The following UBAP2L variants were observed in gnomAD, a reference collection of about 807,000 sequenced individuals.
UBAP2L encodes ubiquitin-associated protein 2-like.
Under a neutral mutation model 130.6 loss-of-function variants are expected in UBAP2L, and 12 were observed. That is an observed-to-expected ratio of 0.09 (90% CI 0.06 to 0.15). The LOEUF (loss-of-function observed/expected upper bound fraction) is 0.15. Among genes scored for constraint, UBAP2L ranks in the 10% least tolerant of loss-of-function variants. UBAP2L has a pLI of 1.00. For synonymous variants in UBAP2L, 503 were observed against 524.7 expected, an observed-to-expected ratio of 0.96 and a Z score of 0.57; for missense variants, 965 against 1,332.5, an observed-to-expected ratio of 0.72 and a Z score of 4.29.
chr1:154,233,018 CT>C (rs1339953340), intron 4 of UBAP2L, among the ~76,000 whole-genome samples: 51 of 148,470 alleles, frequency 3.4e-4, no homozygotes, highest in Non-Finnish European at 4.8e-4. Flanking sequence ...ACCTTTTTTT[CT>C]TTTTTTTTTT....
intron 10 of UBAP2L, among the ~76,000 whole-genome samples, chr1:154,244,564 G>A (rs569542963): frequency 2.6e-4 from 40 of 152,088 alleles, no homozygotes; most frequent in African/African-American, 9.6e-4. Context: ...TAGAGGCAGC[G>A]TTTCACCATG....
At chr1:154,231,860 T>G (rs1422101870) in intron 4 of UBAP2L, among the ~76,000 whole-genome samples, 2 of 152,224 alleles carry the variant, frequency 1.3e-5, no homozygotes, top group South Asian at 4.1e-4. Context: ...CCTTAAGTTC[T>G]TCAACATGCT....
chr1:154,259,287 G>A (rs1369640069), intron 21 of UBAP2L, among the ~76,000 whole-genome samples: 1 of 151,990 alleles, frequency 6.6e-6, no homozygotes, highest in African/African-American at 2.4e-5. Flanking sequence ...CGCCGCCTGG[G>A]TTAAAGCAAT....
rs780595165 is a variant in UBAP2L at position 154,241,557 on chromosome 1, A to C, written c.748A>C (p.Asn250His). The C allele has an allele frequency of 6.2e-7, 1 of 1,614,084 alleles. No individual in the cohort carries two copies. Among genetic ancestry groups the C allele is most frequent in the South Asian group, 1.1e-5 (1 of 91,072 alleles). ...ATEEWGTEDW[N>H]EDLSETKIFT... ...AGAGGAGTGGGGGACTGAAGATTGG[A>C]ATGAAGATGTAGGTATTCCCAGGTC... The change falls in exon 9 of 27, where the codon AAT becomes CAT. Residue 250 changes from asparagine to histidine, a missense_variant. Transcript: ENST00000428931.
intron 8 of UBAP2L, among the ~76,000 whole-genome samples, chr1:154,239,831 AT>A (rs1350972131): frequency 6.6e-6 from 1 of 152,232 alleles, no homozygotes; most frequent in African/African-American, 2.4e-5. Context: ...AAAGTGTGGT[AT>A]CAATGAAGGA....
intron 18 of UBAP2L, 105 bp downstream of exon 18, chr1:154,255,860 CA>C: frequency 1.5e-6 from 2 of 1,359,688 alleles, no homozygotes; most frequent in Non-Finnish European, 1.0e-6. Context: ...CATGAGGTGG[CA>C]AAATAATTGA....
intron 25 of UBAP2L, among the ~76,000 whole-genome samples, chr1:154,267,880 CTTTTTTTTTTTTTTTTTTTT>C (rs869153080): frequency 1.9e-5 from 1 of 52,056 alleles, no homozygotes; most frequent in Non-Finnish European, 3.6e-5. Context: ...CTTATTTGGT[CTTTTTTTTTTTTTTTTTTTT>C]TTTTTTGAGA....
At chr1:154,233,403 C>A (rs1670525332) in intron 4 of UBAP2L, among the ~76,000 whole-genome samples, 1 of 151,812 alleles carries the variant, frequency 6.6e-6, no homozygotes, top group African/African-American at 2.4e-5. Context: ...TGCGTCATTG[C>A]AACCTCCACC....
rs888234422 is a variant in UBAP2L, at chr1:154,239,413, G to A, written c.704-2100G>A. Among the ~76,000 whole-genome samples, 13 of 151,956 alleles carry A rather than the reference G, an allele frequency of 8.6e-5. No homozygotes were observed. The East Asian group carries it at 1.2e-3, about 14-fold the overall frequency. ...ATATCTGTGGATATGTCATTTTTATGTCTTTCTGCTTTTTCTCTTTCTGCC... is the reference window on the plus strand; with the variant it reads ...ATATCTGTGGATATGTCATTTTTATATCTTTCTGCTTTTTCTCTTTCTGCC... On this transcript the variant is annotated intron_variant, in intron 8 of 26. Transcript: ENST00000428931.
chr1:154,254,736 A>T, intron 15 of UBAP2L, 100 bp from the exon 16 acceptor site: 1 of 1,292,844 alleles, frequency 7.7e-7, no homozygotes, highest in South Asian at 1.3e-5. Flanking sequence ...AGTTTCTCCT[A>T]AAGATTTGTT....
At chr1:154,267,128 A>C (rs1232187278) in intron 25 of UBAP2L, among the ~76,000 whole-genome samples, 4 of 119,892 alleles carry the variant, frequency 3.3e-5, no homozygotes, top group African/African-American at 1.2e-4. Context: ...GTATGTGTTT[A>C]TTTCTTTTGA....
At position 154,251,090 on chromosome 1, in the gene UBAP2L, C is replaced by T; in HGVS notation, c.1263C>T (p.Arg421=). Residue 421 remains arginine (R), a synonymous_variant, in exon 13 of 27, where the codon CGC becomes CGT. Transcript: ENST00000428931. ...CAGTGCACAGCCCCTTTACAAAGCG[C>T]CAGGCTTTTACCCCATCTTCAACCA... is the stretch of plus-strand genomic sequence containing the variant. ...DSAVHSPFTK[R]QAFTPSSTMM... 2.5e-6 allele frequency: 4 copies of T among 1,614,090 alleles called. No individual in the cohort carries two copies. The highest frequency in any genetic ancestry group is 1.6e-4 in the Middle Eastern group (1 of 6,062).
intron 8 of UBAP2L, among the ~76,000 whole-genome samples, chr1:154,240,980 T>G (rs1029533336): frequency 7.9e-6 from 1 of 126,880 alleles, no homozygotes; most frequent in Non-Finnish European, 1.6e-5. Flanking sequence ...AAACTGAAAG[T>G]AGCTATGAAA....
In UBAP2L at chr1:154,268,738, C is replaced by T. The variant is rs878954025; in HGVS notation, c.2971-19C>T. The stretch of plus-strand genomic sequence containing the variant: ...TTGCTGATCCCTTTTACTCTGTCTC[C>T]TCCTGGCCTCCTGGATAGCAGTCCT... On this transcript the variant is annotated intron_variant, in intron 25 of 26. Coordinates refer to ENST00000428931, the MANE Select transcript of UBAP2L (RefSeq NM_014847.4). 6.2e-7 allele frequency: 1 copy of T among 1,613,376 alleles called. No homozygotes were observed. The highest frequency in any genetic ancestry group is 8.5e-7 in the Non-Finnish European group (1 of 1,179,660).
chr1:154,227,366 G>GT lies in UBAP2L; in HGVS notation c.168+8dup. ...TGAGGAGAAGGTGAAACAAGTGAGT[G>GT]TATCACTAATTTACTGTACACTATG... On this transcript the variant is annotated splice_region_variant and intron_variant, in intron 3 of 26. Transcript: ENST00000428931. The GT allele has an allele frequency of 6.2e-7, 1 of 1,609,516 alleles. No individual in the cohort carries two copies. Among genetic ancestry groups the GT allele is most frequent in the East Asian group, 2.2e-5 (1 of 44,842 alleles).
intron 4 of UBAP2L, among the ~76,000 whole-genome samples, chr1:154,234,020 C>A (rs531772988): frequency 6.3e-4 from 95 of 151,862 alleles, no homozygotes; most frequent in Admixed American, 3.0e-3. Flanking sequence ...CTATAAGTAC[C>A]TTCCCTACAA....
At chr1:154,267,376 G>A (rs1407017825) in intron 25 of UBAP2L, among the ~76,000 whole-genome samples, 1 of 151,652 alleles carries the variant, frequency 6.6e-6, no homozygotes, top group East Asian at 1.9e-4. Context: ...GGCTGGTCTC[G>A]AACTCCTGAC....
At chr1:154,264,402 A>G (rs886491790) in intron 24 of UBAP2L, among the ~76,000 whole-genome samples, 2 of 152,158 alleles carry the variant, frequency 1.3e-5, no homozygotes, top group Non-Finnish European at 2.9e-5. Context: ...TTGGAAGGAA[A>G]GCAAGAGAAC....
chr1:154,237,751 G>A (rs1400901796), intron 8 of UBAP2L, among the ~76,000 whole-genome samples: 4 of 152,280 alleles, frequency 2.6e-5, no homozygotes, highest in African/African-American at 9.6e-5. Flanking sequence ...CCTTCTTGGT[G>A]TGATGGAGTA....
Sources: gnomAD v4.1 joint callset for allele counts (sites outside exome capture counted in the v4.1 genomes callset) on GRCh38, gnomAD v4.1.1 for gene constraint, MANE v1.5 for transcripts, NCBI Gene and HGNC (gene_info 2026-07-23, HGNC 2026-07-21) for gene names.